The following JAKMIP1 variants were observed in gnomAD, a reference collection of about 807,000 sequenced individuals.
The protein encoded by JAKMIP1 is janus kinase and microtubule-interacting protein 1.
In JAKMIP1, 33 loss-of-function variants were observed where a neutral mutation model predicts 113.0. The ratio of observed to expected loss-of-function variants is 0.29; its 90% confidence interval spans 0.22 to 0.39. The LOEUF is 0.39. Ranked by LOEUF, JAKMIP1 falls within the 10% of genes least tolerant of loss-of-function variation. The pLI, the probability that JAKMIP1 is intolerant of heterozygous loss-of-function variation, is 1.00. For missense variants in JAKMIP1, 813 were observed against 1,080.5 expected, an observed-to-expected ratio of 0.75 and a Z score of 3.47; for synonymous variants, 480 against 459.9, an observed-to-expected ratio of 1.04 and a Z score of -0.56.
At chr4:6,066,083 A>G (rs1718036872) in intron 8 of JAKMIP1, among the ~76,000 whole-genome samples, 1 of 152,144 alleles carries the variant, frequency 6.6e-6, no homozygotes, top group Admixed American at 6.5e-5. Flanking sequence ...GAATGAATCA[A>G]AACTGAATTC....
chr4:6,045,094 A>C (rs989657371), intron 16 of JAKMIP1, among the ~76,000 whole-genome samples: 1 of 152,230 alleles, frequency 6.6e-6, no homozygotes, highest in African/African-American at 2.4e-5. Context: ...GGTGGGGCTC[A>C]TCTCTCCTCC....
rs528280922 is a variant in JAKMIP1 at position 6,050,934 on chromosome 4, T to C, written c.1807-255A>G. ...GAAATGGTTAACAGGGTACCGTGGCTTTATCCATTGTGAGATCAAAACCCA... is the reference window on the plus strand; with the variant it reads ...GAAATGGTTAACAGGGTACCGTGGCCTTATCCATTGTGAGATCAAAACCCA... On this transcript the variant is annotated intron_variant, in intron 13 of 20. Transcript: ENST00000409021. This position sits in a 1 kb window ranked among gnomAD's most constrained non-coding sequence, Gnocchi z 7.4. Among the ~76,000 whole-genome samples, 10 of 152,338 alleles carry C rather than the reference T, an allele frequency of 6.6e-5. No homozygotes were observed. In the East Asian group the frequency reaches 1.7e-3, roughly 26 times the overall value.
Position 6,076,630 on chromosome 4 carries a change from T to C in JAKMIP1, c.1302+2309A>G, listed in dbSNP as rs1299909369. 2.6e-5 allele frequency among the ~76,000 whole-genome samples: 4 copies of C among 152,176 alleles called. No individual in the cohort carries two copies. The highest frequency in any genetic ancestry group is 9.7e-5 in the African/African-American group (4 of 41,436). On this transcript the variant is annotated intron_variant, in intron 8 of 20. Coordinates refer to ENST00000409021, the MANE Select transcript of JAKMIP1 (RefSeq NM_001099433.2). The surrounding 1 kb of genome is among the most constrained non-coding windows in gnomAD (Gnocchi z 4.8). Reference sequence around the variant, plus strand: ...AAATTGCACCCATAGATATATTTTATGTGGCCCACAGGTATATATTTTACA... The same window carrying C: ...AAATTGCACCCATAGATATATTTTACGTGGCCCACAGGTATATATTTTACA...
At chr4:6,028,517 A>G (rs1712155612) in intron 20 of JAKMIP1, among the ~76,000 whole-genome samples, 1 of 152,234 alleles carries the variant, frequency 6.6e-6, no homozygotes, top group African/African-American at 2.4e-5. Context: ...GTGCTGTCCC[A>G]TCTCTCTGGG....
At chr4:6,091,829 C>A (rs1722101746) in intron 3 of JAKMIP1, among the ~76,000 whole-genome samples, 1 of 152,198 alleles carries the variant, frequency 6.6e-6, no homozygotes, top group Admixed American at 6.5e-5. Context: ...TGGTTTGTCA[C>A]CAACTGTGGG....
chr4:6,109,205 T>A (rs577609534), intron 2 of JAKMIP1, among the ~76,000 whole-genome samples: 19 of 143,406 alleles, frequency 1.3e-4, no homozygotes, highest in African/African-American at 4.9e-4. Flanking sequence ...CGATCTTGGC[T>A]CACTGCAGGC....
At chr4:6,159,884 T>A (rs973074228) in intron 1 of JAKMIP1, among the ~76,000 whole-genome samples, 1 of 152,120 alleles carries the variant, frequency 6.6e-6, no homozygotes, top group Non-Finnish European at 1.5e-5. Context: ...ATCCAAACCA[T>A]GGGGGCCTCA....
At chr4:6,028,957 C>T (rs942566675) in intron 20 of JAKMIP1, among the ~76,000 whole-genome samples, 2 of 152,240 alleles carry the variant, frequency 1.3e-5, no homozygotes, top group Non-Finnish European at 2.9e-5. Context: ...AAGAGATGCA[C>T]ACCACGTGGT....
intron 12 of JAKMIP1, among the ~76,000 whole-genome samples, chr4:6,056,133 C>A (rs986608358): frequency 9.2e-5 from 14 of 151,370 alleles, no homozygotes; most frequent in African/African-American, 2.9e-4. Context: ...TGCAGGGTGT[C>A]CTTAGAGAAC....
In JAKMIP1 at chr4:6,137,483, C is replaced by T. The variant is rs13115520; in HGVS notation, c.-147-24486G>A. On this transcript the variant is annotated intron_variant, in intron 1 of 20. Coordinates refer to ENST00000409021, the MANE Select transcript of JAKMIP1 (RefSeq NM_001099433.2). The surrounding 1 kb of genome is among the most constrained non-coding windows in gnomAD (Gnocchi z 4.5). ...GTCTCACACCCTGGGTGACAGCAGA[C>T]GTGCTAAGTAGGAACCCCCTTCAAG... is the stretch of plus-strand genomic sequence containing the variant. Among the ~76,000 whole-genome samples, 21,199 of 152,228 alleles carry T rather than the reference C, an allele frequency of 0.14. 1,633 individuals carry two copies. Among genetic ancestry groups the T allele is most frequent in the Middle Eastern group, 0.25 (73 of 294 alleles).
At position 6,042,983 on chromosome 4, in the gene JAKMIP1, C is replaced by A. The variant is rs79103827; in HGVS notation, c.2029-756G>T. Among the ~76,000 whole-genome samples the A allele has an allele frequency of 6.6e-6, 1 of 151,928 alleles. No individual in the cohort carries two copies. The highest frequency in any genetic ancestry group is 1.5e-5 in the Non-Finnish European group (1 of 67,978). On this transcript the variant is annotated intron_variant, in intron 16 of 20. Transcript: ENST00000409021. The surrounding 1 kb of genome is among the most constrained non-coding windows in gnomAD (Gnocchi z 5.2). ...CTGGGGTCTGGGCTGGGGGTGAGCACGGAGGCAGGTGTCATACGTGGATGT... is the reference window on the plus strand; with the variant it reads ...CTGGGGTCTGGGCTGGGGGTGAGCAAGGAGGCAGGTGTCATACGTGGATGT...
intron 1 of JAKMIP1, among the ~76,000 whole-genome samples, chr4:6,165,972 C>T (rs902020096): frequency 2.0e-5 from 3 of 152,088 alleles, no homozygotes; most frequent in Non-Finnish European, 2.9e-5. Flanking sequence ...TGAGGGCTGC[C>T]GGCATTTCTG....
intron 1 of JAKMIP1, among the ~76,000 whole-genome samples, chr4:6,146,013 C>A (rs1202701489): frequency 6.6e-6 from 1 of 152,158 alleles, no homozygotes; most frequent in Non-Finnish European, 1.5e-5. Context: ...CAGCCCATAG[C>A]ACGTTGCAAG....
rs1021621645 is a variant in JAKMIP1, at chr4:6,157,514, G to C, written c.-148+42739C>G. On this transcript the variant is annotated intron_variant, in intron 1 of 20. Transcript: ENST00000409021. This position sits in a 1 kb window ranked among gnomAD's most constrained non-coding sequence, Gnocchi z 4.7. The stretch of plus-strand genomic sequence containing the variant: ...AATCAAACTTCAGCGTACACTTTCC[G>C]TAACACCTTTTTTGACTAAGAATCC... 2.0e-5 allele frequency among the ~76,000 whole-genome samples: 3 copies of C among 152,128 alleles called. No individual in the cohort carries two copies. Among genetic ancestry groups the C allele is most frequent in the African/African-American group, 7.2e-5 (3 of 41,414 alleles).
Position 6,139,095 on chromosome 4 carries a change from CA to C in JAKMIP1, c.-147-26099del, listed in dbSNP as rs1719708739. Among the ~76,000 whole-genome samples the C allele has an allele frequency of 6.6e-6, 1 of 150,638 alleles. No individual in the cohort carries two copies. Among genetic ancestry groups the C allele is most frequent in the African/African-American group, 2.5e-5 (1 of 40,118 alleles). ...ACACACACACACACATATACACACA[CA>C]CACACACACCAGCAGGTCAGCCCTG... On this transcript the variant is annotated intron_variant, in intron 1 of 20. Transcript: ENST00000409021. This position sits in a 1 kb window ranked among gnomAD's most constrained non-coding sequence, Gnocchi z 5.2.
At chr4:6,164,863 T>C (rs1003780788) in intron 1 of JAKMIP1, among the ~76,000 whole-genome samples, 1 of 152,226 alleles carries the variant, frequency 6.6e-6, no homozygotes. Context: ...CTTGAACCGA[T>C]GAGGAGTTGC....
intron 19 of JAKMIP1, among the ~76,000 whole-genome samples, chr4:6,032,939 G>A (rs575840652): frequency 1.3e-5 from 2 of 152,210 alleles, no homozygotes; most frequent in African/African-American, 2.4e-5. Context: ...CATTGCCATC[G>A]TGAATTGTCC....
At chr4:6,028,062 T>A (rs964158543) in intron 20 of JAKMIP1, among the ~76,000 whole-genome samples, 1 of 152,052 alleles carries the variant, frequency 6.6e-6, no homozygotes, top group Admixed American at 6.5e-5. Flanking sequence ...TAGCAGCACA[T>A]GAGAACACCA....
At chr4:6,146,664 G>C (rs934866462) in intron 1 of JAKMIP1, among the ~76,000 whole-genome samples, 1 of 152,216 alleles carries the variant, frequency 6.6e-6, no homozygotes, top group African/African-American at 2.4e-5. Flanking sequence ...CTACTGGACT[G>C]TACACTGAAA....
Sources: allele counts gnomAD v4.1 joint callset (sites outside exome capture counted in the v4.1 genomes callset), GRCh38; gene constraint gnomAD v4.1.1; non-coding constraint Gnocchi (gnomAD v3.1); transcripts MANE v1.5; gene names NCBI Gene and HGNC (gene_info 2026-07-23, HGNC 2026-07-21).